WLS: variants seen among roughly 807,000 people sequenced by gnomAD.
WLS encodes the protein protein wntless homolog.
In WLS, 23 loss-of-function variants were observed where a neutral mutation model predicts 62.8. The observed-to-expected ratio is 0.37, with a 90% CI of 0.26 to 0.52. WLS has a LOEUF of 0.52. Among genes scored for constraint, WLS ranks in the 20% least tolerant of loss-of-function variants. The pLI is 0.92. For missense variants in WLS, 615 were observed against 697.3 expected (o/e 0.88, Z 1.33); for synonymous variants, 246 against 244.1 (o/e 1.01, Z -0.07).
chr1:68,176,717 G>C (rs550275650), intron 2 of WLS, among the ~76,000 whole-genome samples: 3 of 152,292 alleles, frequency 2.0e-5, no homozygotes, highest in African/African-American at 7.2e-5. Context: ...AGCATTTCAT[G>C]ATAGAAAAAT....
chr1:68,103,783 T>C (rs1646108997), intron 11 of WLS, among the ~76,000 whole-genome samples: 1 of 152,162 alleles, frequency 6.6e-6, no homozygotes, highest in Non-Finnish European at 1.5e-5. Context: ...CACAGCAGTA[T>C]TCAGTGGGTC....
chr1:68,167,624 A>C (rs928492457), intron 2 of WLS, among the ~76,000 whole-genome samples: 2 of 152,152 alleles, frequency 1.3e-5, no homozygotes, highest in African/African-American at 4.8e-5. Flanking sequence ...ATGGGGGTAC[A>C]GTTGTAAGGT....
At chr1:68,106,648 C>A (rs1056247475) in intron 11 of WLS, among the ~76,000 whole-genome samples, 6 of 152,124 alleles carry the variant, frequency 3.9e-5, no homozygotes, top group Non-Finnish European at 8.8e-5. Context: ...GCTTCTCATG[C>A]ATAGACAGAC....
intron 1 of WLS, among the ~76,000 whole-genome samples, chr1:68,210,399 T>G (rs1346188986): frequency 6.6e-6 from 1 of 152,208 alleles, no homozygotes; most frequent in African/African-American, 2.4e-5. Context: ...ACATTCAAGA[T>G]TATTCTAAAT....
intron 1 of WLS, among the ~76,000 whole-genome samples, chr1:68,206,230 T>C (rs1175571774): frequency 6.6e-6 from 1 of 152,146 alleles, no homozygotes; most frequent in African/African-American, 2.4e-5. Context: ...AAGCTGGAGA[T>C]GTATAGCTTG....
At chr1:68,147,089 C>A (rs770593111) in intron 8 of WLS, among the ~76,000 whole-genome samples, 5 of 152,128 alleles carry the variant, frequency 3.3e-5, no homozygotes, top group Non-Finnish European at 7.3e-5. Flanking sequence ...TAAGTATGAA[C>A]TTGGCGTGCA....
chr1:68,217,701 C>T (rs945435441), intron 1 of WLS, among the ~76,000 whole-genome samples: 4 of 152,154 alleles, frequency 2.6e-5, no homozygotes, highest in Non-Finnish European at 4.4e-5. Context: ...TAACCCTGGG[C>T]TTTGGATAAC....
intron 1 of WLS, among the ~76,000 whole-genome samples, chr1:68,225,729 A>G (rs1428649316): frequency 6.6e-6 from 1 of 152,178 alleles, no homozygotes; most frequent in Non-Finnish European, 1.5e-5. Context: ...GCTTTCAGTA[A>G]GAGGCTCTTT....
intron 1 of WLS, among the ~76,000 whole-genome samples, chr1:68,229,414 A>G (rs17130609): frequency 0.11 from 16,276 of 151,868 alleles, 1,152 homozygotes; most frequent in East Asian, 0.37. Flanking sequence ...CCTACTGCAG[A>G]TATATTAGAG....
At chr1:68,154,377 G>T (rs1255138200) in intron 4 of WLS, among the ~76,000 whole-genome samples, 1 of 152,132 alleles carries the variant, frequency 6.6e-6, no homozygotes, top group Non-Finnish European at 1.5e-5. Flanking sequence ...AATATGTTGA[G>T]ATTGGTAAGT....
chr1:68,106,470 C>A (rs913811280), intron 11 of WLS, among the ~76,000 whole-genome samples: 1 of 152,166 alleles, frequency 6.6e-6, no homozygotes, highest in African/African-American at 2.4e-5. Context: ...GGACACCAGA[C>A]CAGTGTCCTT....
intron 11 of WLS, among the ~76,000 whole-genome samples, chr1:68,117,972 GAAAAAA>G (rs11346016): frequency 6.7e-6 from 1 of 149,162 alleles, no homozygotes; most frequent in Non-Finnish European, 1.5e-5. Flanking sequence ...GAATTGATGA[GAAAAAA>G]AAAACAGAAT....
At chr1:68,101,727 G>A (rs1265629780) in intron 11 of WLS, among the ~76,000 whole-genome samples, 1 of 152,162 alleles carries the variant, frequency 6.6e-6, no homozygotes, top group Non-Finnish European at 1.5e-5. Flanking sequence ...TTCATGAATT[G>A]GGGGTGAGTC....
At chr1:68,134,729 G>T (rs746509371) in intron 11 of WLS, among the ~76,000 whole-genome samples, 1 of 152,212 alleles carries the variant, frequency 6.6e-6, no homozygotes, top group Non-Finnish European at 1.5e-5. Flanking sequence ...ATGACCTCTT[G>T]TTGAGAATTA....
At chr1:68,197,819 A>C (rs762204077) in intron 1 of WLS, among the ~76,000 whole-genome samples, 1 of 152,170 alleles carries the variant, frequency 6.6e-6, no homozygotes, top group Non-Finnish European at 1.5e-5. Context: ...TCTGTCTGTA[A>C]ATTTTTTTAA....
At chr1:68,211,923 T>C (rs1649531415) in intron 1 of WLS, among the ~76,000 whole-genome samples, 1 of 152,142 alleles carries the variant, frequency 6.6e-6, no homozygotes, top group African/African-American at 2.4e-5. Flanking sequence ...CGATTAGCCA[T>C]TGCACAGTTG....
chr1:68,098,831 G>T, intron 11 of WLS: 1 of 1,495,350 alleles, frequency 6.7e-7, no homozygotes, highest in Admixed American at 2.4e-5. Context: ...TAGGACCAAG[G>T]CTCAGGTAAC....
chr1:68,159,901 T>G (rs1646949170), intron 2 of WLS, among the ~76,000 whole-genome samples: 1 of 152,180 alleles, frequency 6.6e-6, no homozygotes, highest in Admixed American at 6.5e-5. Flanking sequence ...ATAGGAATAA[T>G]ACATAATTGC....
At chr1:68,165,740 T>C (rs1343419956) in intron 2 of WLS, among the ~76,000 whole-genome samples, 1 of 152,160 alleles carries the variant, frequency 6.6e-6, no homozygotes, top group Admixed American at 6.5e-5. Flanking sequence ...GGCACAGAAT[T>C]CCAAGTCGTC....
Sources: allele counts gnomAD v4.1 joint callset (sites outside exome capture counted in the v4.1 genomes callset), GRCh38; gene constraint gnomAD v4.1.1; transcripts MANE v1.5; gene names NCBI Gene and HGNC (gene_info 2026-07-23, HGNC 2026-07-21).